GNB4: variants seen among roughly 807,000 people sequenced by gnomAD.
GNB4 encodes guanine nucleotide-binding protein subunit beta-4.
In GNB4, 28 loss-of-function variants were observed where a neutral mutation model predicts 45.2. That is an observed-to-expected ratio of 0.62 (90% CI 0.46 to 0.85). GNB4 has a LOEUF of 0.85. Among genes scored for constraint, GNB4 ranks in the 40% least tolerant of loss-of-function variants. The probability of loss-of-function intolerance (pLI) is 0.00; values close to 1 mark genes in which losing one functional copy is unlikely to be tolerated. For missense variants in GNB4, 321 were observed against 425.4 expected (o/e 0.75, Z 2.16); for synonymous variants, 132 against 143.7 (o/e 0.92, Z 0.58).
the GNB4 span, among the ~76,000 whole-genome samples, chr3:179,486,123 T>C: frequency 1.4e-5 from 2 of 147,316 alleles, no homozygotes; most frequent in African/African-American, 5.1e-5. Flanking sequence ...CTCGGGAGGC[T>C]GAGGCAGAGA....
chr3:179,466,952 A>G, the GNB4 span, among the ~76,000 whole-genome samples: 1 of 152,228 alleles, frequency 6.6e-6, no homozygotes, highest in Non-Finnish European at 1.5e-5. Context: ...CTGAAATGTT[A>G]AGGGTGGATT....
At chr3:179,498,925 C>T in the GNB4 span, among the ~76,000 whole-genome samples, 1 of 151,986 alleles carries the variant, frequency 6.6e-6, no homozygotes, top group African/African-American at 2.4e-5. Flanking sequence ...TAGCCCCCAA[C>T]TCTTCAACAG....
At chr3:179,489,008 AAAAAAAAAAAAATATATAT>A in the GNB4 span, among the ~76,000 whole-genome samples, 10 of 46,770 alleles carry the variant, frequency 2.1e-4, no homozygotes, top group African/African-American at 8.4e-4. Flanking sequence ...AAAAAAAAAA[AAAAAAAAAAAAATATATAT>A]ATATATATAT....
chr3:179,525,682 G>A, the GNB4 span, among the ~76,000 whole-genome samples: 8 of 152,232 alleles, frequency 5.3e-5, no homozygotes, highest in African/African-American at 1.9e-4. Flanking sequence ...CATGACCAGC[G>A]CCGGAGTTTT....
At chr3:179,489,000 A>AT in the GNB4 span, among the ~76,000 whole-genome samples, 1 of 34,054 alleles carries the variant, frequency 2.9e-5, no homozygotes, top group African/African-American at 1.6e-4. Context: ...AAAAAAAAAA[A>AT]AAAAAAAAAA....
At chr3:179,416,466 T>C in intron 5 of GNB4, 27 bp downstream of exon 5, 2 of 1,346,522 alleles carry the variant, frequency 1.5e-6, no homozygotes, top group African/African-American at 1.5e-5. Flanking sequence ...TATAAGGTTA[T>C]TTAAAAGAAT....
At chr3:179,457,128 C>T in the GNB4 span, among the ~76,000 whole-genome samples, 1 of 152,114 alleles carries the variant, frequency 6.6e-6, no homozygotes, top group African/African-American at 2.4e-5. Flanking sequence ...AGAACCTGCT[C>T]TTTAGAAAAA....
chr3:179,480,855 T>A, the GNB4 span, among the ~76,000 whole-genome samples: 1 of 138,010 alleles, frequency 7.2e-6, no homozygotes, highest in African/African-American at 2.8e-5. Flanking sequence ...TTTTTTTTTC[T>A]TTTTTTTTTT....
At chr3:179,433,616 T>TG (rs1715367325) in intron 1 of GNB4, among the ~76,000 whole-genome samples, 1 of 129,852 alleles carries the variant, frequency 7.7e-6, no homozygotes, top group African/African-American at 3.1e-5. Flanking sequence ...TCTCTAACGG[T>TG]GGAAAAAAAA....
chr3:179,496,098 C>T, the GNB4 span, among the ~76,000 whole-genome samples: 1 of 151,810 alleles, frequency 6.6e-6, no homozygotes, highest in Non-Finnish European at 1.5e-5. Flanking sequence ...AACAGTAGTA[C>T]AAAGACAAAA....
intron 6 of GNB4, 36 bp from the exon 7 acceptor site, chr3:179,413,817 CTGAT>C: frequency 6.8e-7 from 1 of 1,472,332 alleles, no homozygotes; most frequent in Non-Finnish European, 9.5e-7. Context: ...TAGGTTATCA[CTGAT>C]TGAATAACTC....
the GNB4 span, among the ~76,000 whole-genome samples, chr3:179,460,674 T>A: frequency 0.028 from 4,330 of 152,002 alleles, 127 homozygotes; most frequent in African/African-American, 0.074. Flanking sequence ...ACCTTTTTTT[T>A]AATTTTATTT....
At chr3:179,418,144 A>C (rs1455433437) in intron 4 of GNB4, among the ~76,000 whole-genome samples, 1 of 152,120 alleles carries the variant, frequency 6.6e-6, no homozygotes, top group Admixed American at 6.6e-5. Flanking sequence ...CAGGTAAATT[A>C]TTTTTATCTT....
chr3:179,415,072 C>A (rs1275825351), intron 5 of GNB4, 25 bp from the exon 6 acceptor site: 1 of 1,515,572 alleles, frequency 6.6e-7, no homozygotes, highest in African/African-American at 1.4e-5. Context: ...CCACACATCA[C>A]TCAGATTACA....
the GNB4 span, among the ~76,000 whole-genome samples, chr3:179,527,786 ATGTATGTGTGTGTGTG>A: frequency 5.6e-5 from 7 of 124,826 alleles, no homozygotes; most frequent in Admixed American, 5.8e-4. Flanking sequence ...GCGTGTGTGT[ATGTATGTGTGTGTGTG>A]TGTGTGTGTG....
intron 8 of GNB4, among the ~76,000 whole-genome samples, chr3:179,409,815 A>AC (rs1714594106): frequency 8.5e-6 from 1 of 117,184 alleles, no homozygotes; most frequent in Non-Finnish European, 1.8e-5. Flanking sequence ...TCTCAAAAAA[A>AC]AAAACAAAAA....
In GNB4 at chr3:179,445,711, T is replaced by C. The variant is rs115664748; in HGVS notation, c.-43+5635A>G. 3.4e-3 allele frequency among the ~76,000 whole-genome samples: 524 copies of C among 152,350 alleles called. 1 individual carries two copies. Among genetic ancestry groups the C allele is most frequent in the African/African-American group, 0.012 (493 of 41,586 alleles). On this transcript the variant is annotated intron_variant, in intron 1 of 9. Transcript: ENST00000232564. ...GATGCATTCATACAGTGAAATATTA[T>C]GCAGCTATTAAGAAGACAGCGCTCT...
At chr3:179,449,559 T>C (rs991096695) in intron 1 of GNB4, among the ~76,000 whole-genome samples, 36 of 152,220 alleles carry the variant, frequency 2.4e-4, no homozygotes, top group Non-Finnish European at 4.4e-4. Context: ...CGAATCCCAG[T>C]TGAGTTACCT....
At chr3:179,518,919 G>A in the GNB4 span, among the ~76,000 whole-genome samples, 985 of 152,110 alleles carry the variant, frequency 6.5e-3, 16 homozygotes, top group African/African-American at 0.023. Flanking sequence ...ATTAAATTCC[G>A]GCCCTCAAAC....
Sources: gnomAD v4.1 joint callset for allele counts (sites outside exome capture counted in the v4.1 genomes callset) on GRCh38, gnomAD v4.1.1 for gene constraint, MANE v1.5 for transcripts, NCBI Gene and HGNC (gene_info 2026-07-23, HGNC 2026-07-21) for gene names.